ZMYM4: variants seen among roughly 807,000 people sequenced by gnomAD.
The protein encoded by ZMYM4 is zinc finger MYM-type protein 4.
A neutral mutation model predicts 183.2 loss-of-function variants in ZMYM4; 31 were observed. The observed-to-expected ratio is 0.17, with a 90% confidence interval of 0.13 to 0.23. The LOEUF (loss-of-function observed/expected upper bound fraction) is 0.23. ZMYM4 is among the 10% of genes least tolerant of loss of function. The probability of loss-of-function intolerance (pLI) is 1.00; values close to 1 mark genes in which losing one functional copy is unlikely to be tolerated. For missense variants in ZMYM4, 1,273 were observed against 1,840.3 expected, an observed-to-expected ratio of 0.69 and a Z score of 5.64; for synonymous variants, 592 against 631.2, an observed-to-expected ratio of 0.94 and a Z score of 0.93.
At chr1:35,274,213 T>C (rs563393647) in intron 1 of ZMYM4, among the ~76,000 whole-genome samples, 26 of 152,326 alleles carry the variant, frequency 1.7e-4, no homozygotes, top group African/African-American at 5.5e-4. Context: ...TATTGACTCT[T>C]TGTTTAGAGA....
chr1:35,311,481 G>C (rs958292843), intron 1 of ZMYM4, among the ~76,000 whole-genome samples: 26 of 151,266 alleles, frequency 1.7e-4, no homozygotes, highest in Non-Finnish European at 1.9e-4. Flanking sequence ...TTTTGGGACT[G>C]GCTTCATAGA....
At chr1:35,376,584 C>T (rs574923381) in intron 7 of ZMYM4, among the ~76,000 whole-genome samples, 3 of 151,956 alleles carry the variant, frequency 2.0e-5, no homozygotes, top group Non-Finnish European at 2.9e-5. Context: ...AATGCAGTGG[C>T]GTGATCTTGG....
In ZMYM4 at chr1:35,359,408, T is replaced by G. The variant is rs773707671; in HGVS notation, c.569T>G (p.Leu190Trp). 6.3e-7 allele frequency: 1 copy of G among 1,575,768 alleles called. No individual in the cohort carries two copies. The highest frequency in any genetic ancestry group is 2.1e-5 in the Admixed American group (1 of 48,412). Residue 190 changes from leucine (L) to tryptophan (W), a missense_variant, in exon 3 of 30, where the codon TTG becomes TGG. This residue lies in a region of ZMYM4 where 384 missense variants were observed against 465.6 expected (regional missense o/e 0.82). Transcript: ENST00000314607. ...EKRLDKPHKDLDSRLKSSFFD... is the reference protein window; with the variant it reads ...EKRLDKPHKDWDSRLKSSFFD... ...CGGTTGGATAAACCCCATAAAGATT[T>G]GGATTCAAGGTTGAAAAGCAGTTTT...
rs1640263516 is a variant in ZMYM4, at chr1:35,419,766, A to C, written c.*89A>C. 4 of 1,319,576 alleles carry C rather than the reference A, an allele frequency of 3.0e-6. No individual in the cohort carries two copies. In the Admixed American group the frequency reaches 7.8e-5, roughly 26 times the overall value. The allele number at this position is 1,319,576 out of a possible 1,614,324, so 81.7% of individuals were successfully genotyped here. A position where few individuals can be genotyped will look rare whatever the true frequency, so the allele number is the denominator to read the frequency against. ...TGTTGGAAAATGATGTATAAGTCTA[A>C]GTCCTCTTGACTTGACCATAAGATC... On this transcript the variant is annotated 3_prime_UTR_variant, in exon 30 of 30. Coordinates refer to ENST00000314607, the MANE Select transcript of ZMYM4 (RefSeq NM_005095.3).
chr1:35,299,561 T>A (rs182893706), intron 1 of ZMYM4, among the ~76,000 whole-genome samples: 1 of 152,196 alleles, frequency 6.6e-6, no homozygotes, highest in East Asian at 1.9e-4. Context: ...ACAAAAGTTA[T>A]ACCCTATGCA....
At chr1:35,294,835 A>ATTGT (rs1640928265) in intron 1 of ZMYM4, among the ~76,000 whole-genome samples, 1 of 152,258 alleles carries the variant, frequency 6.6e-6, no homozygotes, top group African/African-American at 2.4e-5. Flanking sequence ...CATTGAAAAC[A>ATTGT]TTGTCACATT....
chr1:35,290,630 ATG>A, intron 1 of ZMYM4, among the ~76,000 whole-genome samples: 1 of 151,758 alleles, frequency 6.6e-6, no homozygotes, highest in Admixed American at 6.6e-5. Flanking sequence ...GGGTCTTGCT[ATG>A]TTGCCCAGGC....
intron 26 of ZMYM4, among the ~76,000 whole-genome samples, chr1:35,410,751 A>G (rs1639856832): frequency 1.3e-5 from 2 of 151,630 alleles, no homozygotes; most frequent in Admixed American, 6.6e-5. Context: ...CGGCCTCCCA[A>G]TGTGCTGGCT....
At chr1:35,373,695 G>C (rs965953998) in intron 7 of ZMYM4, among the ~76,000 whole-genome samples, 2 of 143,682 alleles carry the variant, frequency 1.4e-5, no homozygotes, top group Non-Finnish European at 3.1e-5. Context: ...GCCCGGCCCT[G>C]CACGGCTAAT....
At chr1:35,385,614 A>T in intron 10 of ZMYM4, 22 bp downstream of exon 10, 1 of 1,565,214 alleles carries the variant, frequency 6.4e-7, no homozygotes, top group Non-Finnish European at 8.6e-7. Context: ...TTCACAAACT[A>T]TGAAATGCAA....
At chr1:35,414,883 CA>C (rs1218114346) in intron 27 of ZMYM4, among the ~76,000 whole-genome samples, 2 of 151,292 alleles carry the variant, frequency 1.3e-5, no homozygotes, top group Non-Finnish European at 2.9e-5. Flanking sequence ...TCTGTCTCTA[CA>C]AAAAATAAAA....
chr1:35,360,070 G>C (rs1157579780), intron 3 of ZMYM4, among the ~76,000 whole-genome samples: 1 of 151,824 alleles, frequency 6.6e-6, no homozygotes, highest in African/African-American at 2.4e-5. Context: ...CCATTTGCCT[G>C]CATGTCATTT....
rs1643823993 is a variant in ZMYM4 at position 35,356,499 on chromosome 1, A to G, written c.86-2426A>G. Among the ~76,000 whole-genome samples, 3 of 152,232 alleles carry G rather than the reference A, an allele frequency of 2.0e-5. No individual in the cohort carries two copies. The South Asian group carries it at 6.2e-4, about 32-fold the overall frequency. On this transcript the variant is annotated intron_variant, in intron 2 of 29. Transcript: ENST00000314607. ...CTCAATTGATTATTTTAGAAAGTAT[A>G]GACAATTTTTCCAATTATATTATTG...
chr1:35,330,914 A>G (rs1470439098), intron 2 of ZMYM4, among the ~76,000 whole-genome samples: 1 of 152,220 alleles, frequency 6.6e-6, no homozygotes, highest in African/African-American at 2.4e-5. Flanking sequence ...AGTAATTTAT[A>G]AAGTAATTCA....
chr1:35,270,829 C>T (rs1014700415), intron 1 of ZMYM4, among the ~76,000 whole-genome samples: 4 of 152,204 alleles, frequency 2.6e-5, no homozygotes, highest in Admixed American at 1.3e-4. Flanking sequence ...CATATATTTA[C>T]CCCTCTATCC....
At chr1:35,293,612 C>T (rs576637280) in intron 1 of ZMYM4, among the ~76,000 whole-genome samples, 165 of 152,166 alleles carry the variant, frequency 1.1e-3, no homozygotes, top group Non-Finnish European at 2.0e-3. Context: ...CTCCTGCGCC[C>T]GGCTGTGGGT....
intron 2 of ZMYM4, among the ~76,000 whole-genome samples, chr1:35,332,895 C>T (rs1642815660): frequency 6.6e-6 from 1 of 152,020 alleles, no homozygotes; most frequent in Non-Finnish European, 1.5e-5. Flanking sequence ...TGGGTCTTGG[C>T]TATGTTGCCC....
chr1:35,342,082 A>G (rs1019078092), intron 2 of ZMYM4, among the ~76,000 whole-genome samples: 1 of 152,146 alleles, frequency 6.6e-6, no homozygotes, highest in Non-Finnish European at 1.5e-5. Flanking sequence ...TCTTTAATAG[A>G]TACAGCATTT....
intron 26 of ZMYM4, among the ~76,000 whole-genome samples, chr1:35,408,511 G>C (rs1304151030): frequency 4.6e-5 from 7 of 152,294 alleles, no homozygotes; most frequent in Non-Finnish European, 1.0e-4. Context: ...GCTGAGATGG[G>C]AGTATCACTT....
Sources: gnomAD v4.1 joint callset for allele counts (sites outside exome capture counted in the v4.1 genomes callset) on GRCh38, gnomAD v4.1.1 for gene constraint, gnomAD v4.1.1 regional missense constraint, MANE v1.5 for transcripts, NCBI Gene and HGNC (gene_info 2026-07-23, HGNC 2026-07-21) for gene names.